Variants in DDR1 observed in about 807,000 individuals in gnomAD.
DDR1 encodes epithelial discoidin domain-containing receptor 1.
Under a neutral mutation model 97.4 loss-of-function variants are expected in DDR1, and 64 were observed. The ratio of observed to expected loss-of-function variants is 0.66; its 90% confidence interval spans 0.54 to 0.81. The LOEUF is 0.81. Ranked by LOEUF, DDR1 falls within the 30% of genes least tolerant of loss-of-function variation. The pLI is 0.00. For missense variants in DDR1, 990 were observed against 1,259.6 expected, an observed-to-expected ratio of 0.79 and a Z score of 3.24; for synonymous variants, 458 against 503.7, an observed-to-expected ratio of 0.91 and a Z score of 1.21.
Position 30,890,543 on chromosome 6 carries a change from A to G in DDR1, c.418-430A>G. 6.1e-6 allele frequency: 1 copy of G among 163,652 alleles called. No individual in the cohort carries two copies. Among genetic ancestry groups the G allele is most frequent in the Non-Finnish European group, 1.3e-5 (1 of 76,296 alleles). 10.1% of individuals were successfully genotyped at this position (163,652 alleles called of 1,614,324 possible). On this transcript the variant is annotated intron_variant, in intron 4 of 17. Transcript: ENST00000376568. This position sits in a 1 kb window ranked among gnomAD's most constrained non-coding sequence, Gnocchi z 5.0. Reference sequence around the variant, plus strand: ...CTCAGTCCTACAAGGGTGGGGAGTGACGTTCACCACTGAGAACGCGCCTGG... The same window carrying G: ...CTCAGTCCTACAAGGGTGGGGAGTGGCGTTCACCACTGAGAACGCGCCTGG...
At chr6:30,898,348 G>T in intron 16 of DDR1, 41 bp downstream of exon 16, 1 of 1,478,954 alleles carries the variant, frequency 6.8e-7, no homozygotes, top group Non-Finnish European at 9.3e-7. Flanking sequence ...CAGGGCAGGT[G>T]GGAGAACACT....
At chr6:30,883,756 T>G (rs1277669236), upstream of DDR1, 1 of 152,174 alleles carries the variant, frequency 6.6e-6, no homozygotes, top group Non-Finnish European at 1.5e-5. The surrounding 1 kb of genome is among the most constrained non-coding windows in gnomAD (Gnocchi z 4.9). Context: ...GACCCCCGGG[T>G]CCCTTAGAAC....
chr6:30,899,811 C>T lies in DDR1; in HGVS notation c.*515C>T. The T allele has an allele frequency of 5.4e-6, 2 of 367,956 alleles. No individual in the cohort carries two copies. Among genetic ancestry groups the T allele is most frequent in the Middle Eastern group, 7.6e-4 (1 of 1,322 alleles). The allele number at this position is 367,956 out of a possible 1,614,324, so 22.8% of individuals were successfully genotyped here. ...CTCCTGTACTTGTCCTCAGCTTGGG[C>T]TTCTTCCTCCTCCATCACCTGAAAC... is the stretch of plus-strand genomic sequence containing the variant. On this transcript the variant is annotated 3_prime_UTR_variant, in exon 18 of 18. Coordinates refer to ENST00000376568, the MANE Select transcript of DDR1 (RefSeq NM_001297654.2).
chr6:30,894,605 C>T lies in DDR1; in HGVS notation c.1447C>T (p.Pro483Ser). 6.2e-7 allele frequency: 1 copy of T among 1,613,428 alleles called. No homozygotes were observed. The highest frequency in any genetic ancestry group is 1.3e-5 in the African/African-American group (1 of 74,976). Reference sequence around the variant, plus strand: ...CCGCCCAGGTCCTAGAGAGCCACCCCCGTACCAGGAGCCCCGGCCTCGTGG... The same window carrying T: ...CCGCCCAGGTCCTAGAGAGCCACCCTCGTACCAGGAGCCCCGGCCTCGTGG... The part of the protein sequence containing the change: ...NNRPGPREPP[P>S]YQEPRPRGNP... The change falls in exon 11 of 18, where the codon CCG (proline) becomes TCG (serine). Residue 483 changes from proline (P) to serine (S), a missense_variant. Pro to Ser is a moderately conservative substitution (Grantham distance 74). Coordinates refer to ENST00000376568, the MANE Select transcript of DDR1 (RefSeq NM_001297654.2). This position sits in a 1 kb window ranked among gnomAD's most constrained non-coding sequence, Gnocchi z 5.7.
intron 1 of DDR1, chr6:30,885,129 C>T: frequency 6.9e-7 from 1 of 1,439,636 alleles, no homozygotes. Flanking sequence ...TCAGTCTGGT[C>T]ACAGTCCAGC....
In DDR1 at chr6:30,891,540, T is replaced by G; in HGVS notation, c.665+61T>G. 5.6e-6 allele frequency: 5 copies of G among 891,410 alleles called. No homozygotes were observed. The Middle Eastern group carries it at 6.9e-4, about 122-fold the overall frequency. 55.2% of individuals were successfully genotyped at this position (891,410 alleles called of 1,614,324 possible). Reference sequence around the variant, plus strand: ...TGGGAGGGAGGACTGTGTGTGTGTGTGTGTGTGTGTGTGTGTGAGAGTGTG... The same window carrying G: ...TGGGAGGGAGGACTGTGTGTGTGTGGGTGTGTGTGTGTGTGTGAGAGTGTG... On this transcript the variant is annotated intron_variant, in intron 6 of 17. Coordinates refer to ENST00000376568, the MANE Select transcript of DDR1 (RefSeq NM_001297654.2). The surrounding 1 kb of genome is among the most constrained non-coding windows in gnomAD (Gnocchi z 5.3).
At chr6:30,884,298 C>T (rs1171629726), upstream of DDR1, 3 of 149,392 alleles carry the variant, frequency 2.0e-5, no homozygotes, top group Non-Finnish European at 4.5e-5. This position sits in a 1 kb window ranked among gnomAD's most constrained non-coding sequence, Gnocchi z 6.1. Context: ...GGGCCGGGCG[C>T]TAGCGCGCGG....
chr6:30,895,375 C>T (rs368018704), intron 11 of DDR1, 29 bp from the exon 12 acceptor site: 69 of 1,560,308 alleles, frequency 4.4e-5, no homozygotes, highest in Non-Finnish European at 5.7e-5. Flanking sequence ...ATCCCTTCCC[C>T]GTGTTTCCCC....
At position 30,897,339 on chromosome 6, in the gene DDR1, C is replaced by T. The variant is rs769718436; in HGVS notation, c.1998-40C>T. ...GGGGCGCGGGGGAAGGTGCAGGCCG[C>T]CCACTCGGCATTCCTCTTCAGCTTC... On this transcript the variant is annotated intron_variant, in intron 14 of 17. Coordinates refer to ENST00000376568, the MANE Select transcript of DDR1 (RefSeq NM_001297654.2). This position sits in a 1 kb window ranked among gnomAD's most constrained non-coding sequence, Gnocchi z 5.2. 3.1e-6 allele frequency: 5 copies of T among 1,604,284 alleles called. No individual in the cohort carries two copies. In the Admixed American group the frequency reaches 8.4e-5, roughly 27 times the overall value.
intron 16 of DDR1, 58 bp downstream of exon 16, chr6:30,898,365 C>A: frequency 8.0e-7 from 1 of 1,256,326 alleles, no homozygotes; most frequent in Non-Finnish European, 1.1e-6. Context: ...CACTGGCCGC[C>A]ACTCACAGCC....
intron 16 of DDR1, 59 bp from the exon 17 acceptor site, chr6:30,898,829 A>G (rs1791893737): frequency 6.4e-7 from 1 of 1,550,448 alleles, no homozygotes; most frequent in Non-Finnish European, 8.8e-7. Context: ...ATAGGAAGGG[A>G]GGAGGGTCTA....
At chr6:30,881,664 A>G (rs1200423955), upstream of DDR1, among the ~76,000 whole-genome samples, 3 of 151,930 alleles carry the variant, frequency 2.0e-5, no homozygotes, top group African/African-American at 7.3e-5. Flanking sequence ...CAGTTCCTTC[A>G]TCCAGTTCAG....
chr6:30,895,599 C>T, intron 12 of DDR1, 85 bp downstream of exon 12: 1 of 828,530 alleles, frequency 1.2e-6, no homozygotes, highest in Non-Finnish European at 1.9e-6. Flanking sequence ...GCACTTCCTC[C>T]TCTCCCCACT....
chr6:30,890,388 G>C lies in DDR1; in HGVS notation c.418-585G>C, dbSNP rs1787604674. The C allele has an allele frequency of 6.6e-6, 1 of 152,298 alleles. No individual in the cohort carries two copies. The highest frequency in any genetic ancestry group is 1.5e-5 in the Non-Finnish European group (1 of 68,202). 9.4% of individuals were successfully genotyped at this position (152,298 alleles called of 1,614,324 possible). ...AAGCTCCTCCCCTAAATAACCACAG[G>C]CTCTCCCTCACTCCATTCAGTTCTC... On this transcript the variant is annotated intron_variant, in intron 4 of 17. Transcript: ENST00000376568. This position sits in a 1 kb window ranked among gnomAD's most constrained non-coding sequence, Gnocchi z 5.0.
chr6:30,882,161 G>A (rs1784409290), upstream of DDR1, among the ~76,000 whole-genome samples: 2 of 152,178 alleles, frequency 1.3e-5, no homozygotes, highest in African/African-American at 2.4e-5. The surrounding 1 kb of genome is among the most constrained non-coding windows in gnomAD (Gnocchi z 4.8). Context: ...CCGTCCTCTC[G>A]CTCGCTGGTC....
intron 1 of DDR1, chr6:30,885,694 G>T (rs1785520356): frequency 8.4e-6 from 11 of 1,313,450 alleles, no homozygotes. Context: ...TGGACGGGTT[G>T]ATGTATGCAT....
At position 30,889,466 on chromosome 6, in the gene DDR1, G is replaced by T; in HGVS notation, c.417+36G>T. 7.0e-7 allele frequency: 1 copy of T among 1,429,502 alleles called. No homozygotes were observed. Among genetic ancestry groups the T allele is most frequent in the Non-Finnish European group, 9.3e-7 (1 of 1,080,234 alleles). 88.6% of individuals were successfully genotyped at this position (1,429,502 alleles called of 1,614,324 possible). ...CAGGGGCAGCACCCAGAGGAGGTTG[G>T]CTCTCCTCACTTCCAGCTGTACTTT... On this transcript the variant is annotated intron_variant, in intron 4 of 17. Transcript: ENST00000376568. The surrounding 1 kb of genome is among the most constrained non-coding windows in gnomAD (Gnocchi z 4.9).
Position 30,897,439 on chromosome 6 carries a change from G to A in DDR1, c.2058G>A (p.Arg686=), listed in dbSNP as rs2150443030. Residue 686 remains arginine, a synonymous_variant, in exon 15 of 18, where the codon CGG becomes CGA. Transcript: ENST00000376568. This position sits in a 1 kb window ranked among gnomAD's most constrained non-coding sequence, Gnocchi z 5.2. The part of the protein sequence containing the change: ...MSRLKDPNII[R]LLGVCVQDDP... ...GGCTCAAGGACCCAAACATCATTCG[G>A]CTGCTGGGCGTGTGTGTGCAGGACG... The A allele has an allele frequency of 1.2e-6, 2 of 1,614,134 alleles. No homozygotes were observed. Among genetic ancestry groups the A allele is most frequent in the Non-Finnish European group, 8.5e-7 (1 of 1,180,034 alleles).
chr6:30,887,116 GT>G (rs1786142755), intron 1 of DDR1: 2 of 152,286 alleles, frequency 1.3e-5, no homozygotes, highest in East Asian at 1.9e-4. Flanking sequence ...ATAGGGGACA[GT>G]AAGACTAGAA....
Sources: gnomAD v4.1 joint callset for allele counts (sites outside exome capture counted in the v4.1 genomes callset) on GRCh38, gnomAD v4.1.1 for gene constraint, Gnocchi (gnomAD v3.1) non-coding constraint, MANE v1.5 for transcripts, NCBI Gene and HGNC (gene_info 2026-07-23, HGNC 2026-07-21) for gene names.